The following HSD17B12 variants were observed in gnomAD, a reference collection of about 807,000 sequenced individuals.
The protein encoded by HSD17B12 is very-long-chain 3-oxoacyl-CoA reductase.
In HSD17B12, 32 loss-of-function variants were observed where a neutral mutation model predicts 39.3. That is an observed-to-expected ratio of 0.81 (90% CI 0.61 to 1.09). The LOEUF is 1.09. HSD17B12 is among the 50% of genes least tolerant of loss of function. The probability of loss-of-function intolerance (pLI) is 0.00; values close to 1 mark genes in which losing one functional copy is unlikely to be tolerated. For synonymous variants in HSD17B12, 150 were observed against 146.7 expected (o/e 1.02, Z -0.16); for missense variants, 342 against 382.9 (o/e 0.89, Z 0.89).
At chr11:43,562,708 C>G in the HSD17B12 span, among the ~76,000 whole-genome samples, 1 of 152,158 alleles carries the variant, frequency 6.6e-6, no homozygotes, top group Non-Finnish European at 1.5e-5. Flanking sequence ...GCAGAGACCT[C>G]TTAGACTCTT....
chr11:43,821,351 A>T (rs541412351), intron 6 of HSD17B12, among the ~76,000 whole-genome samples: 1 of 152,282 alleles, frequency 6.6e-6, no homozygotes, highest in South Asian at 2.1e-4. Flanking sequence ...CAGTTAAGTG[A>T]TATAGAAACT....
the HSD17B12 span, among the ~76,000 whole-genome samples, chr11:43,590,509 T>TTTTTTTTTTTTTTTTTTTTTTTTTTTTTC: frequency 8.9e-6 from 1 of 111,842 alleles, no homozygotes; most frequent in African/African-American, 3.2e-5. Context: ...GTGAGTGATT[T>TTTTTTTTTTTTTTTTTTTTTTTTTTTTTC]TTTTTTTTTT....
intron 8 of HSD17B12, 80 bp downstream of exon 8, chr11:43,838,478 T>G: frequency 9.4e-7 from 1 of 1,066,896 alleles, no homozygotes; most frequent in Non-Finnish European, 1.5e-6. Flanking sequence ...TAGATTTAAC[T>G]TTCCTGAAGT....
At chr11:43,711,382 T>G (rs34277126) in intron 1 of HSD17B12, among the ~76,000 whole-genome samples, 2,913 of 152,186 alleles carry the variant, frequency 0.019, 45 homozygotes, top group Non-Finnish European at 0.035. Flanking sequence ...TACAGAACAT[T>G]TAGGTTTTAG....
At chr11:43,758,790 T>C (rs1950533175) in intron 3 of HSD17B12, among the ~76,000 whole-genome samples, 1 of 152,174 alleles carries the variant, frequency 6.6e-6, no homozygotes, top group African/African-American at 2.4e-5. Context: ...TCAAGGCACT[T>C]CTCCAGTGGG....
chr11:43,851,904 G>T (rs1478644393), intron 9 of HSD17B12: 1 of 152,110 alleles, frequency 6.6e-6, no homozygotes, highest in Non-Finnish European at 1.5e-5. Context: ...GCAGTTCCCT[G>T]AAAAACATCA....
At chr11:43,626,433 A>G in the HSD17B12 span, among the ~76,000 whole-genome samples, 1 of 151,880 alleles carries the variant, frequency 6.6e-6, no homozygotes. Context: ...ATTCTAGAAC[A>G]TGTTACACAT....
intron 4 of HSD17B12, among the ~76,000 whole-genome samples, chr11:43,807,150 A>C (rs1187603688): frequency 1.3e-5 from 2 of 152,226 alleles, no homozygotes; most frequent in African/African-American, 4.8e-5. Flanking sequence ...TCATTAAACA[A>C]GTAAAATTCC....
intron 3 of HSD17B12, among the ~76,000 whole-genome samples, chr11:43,757,451 G>A (rs1156679914): frequency 1.3e-5 from 2 of 150,010 alleles, no homozygotes; most frequent in African/African-American, 4.9e-5. Context: ...GGCTAACAAG[G>A]TGAAACCCCG....
At position 43,829,948 on chromosome 11, in the gene HSD17B12, A is replaced by G. The variant is rs139646506; in HGVS notation, c.502-1028A>G. The G allele has an allele frequency of 1.5e-4, 23 of 152,318 alleles. No homozygotes were observed. The East Asian group carries it at 4.0e-3, about 27-fold the overall frequency. The allele number at this position is 152,318 out of a possible 1,614,324, so 9.4% of individuals were successfully genotyped here. A position where few individuals can be genotyped will look rare whatever the true frequency, so the allele number is the denominator to read the frequency against. ...CAATAAAATACCCACCACTGTTAAT[A>G]TGCCTGATGTACATCTGTACTACCA... On this transcript the variant is annotated intron_variant, in intron 6 of 10. Transcript: ENST00000278353.
the HSD17B12 span, among the ~76,000 whole-genome samples, chr11:43,662,552 C>T: frequency 6.6e-6 from 1 of 151,872 alleles, no homozygotes; most frequent in Non-Finnish European, 1.5e-5. Context: ...AAAAATCTTC[C>T]TCATTAGATT....
chr11:43,579,703 T>C, the HSD17B12 span, among the ~76,000 whole-genome samples: 5 of 152,018 alleles, frequency 3.3e-5, no homozygotes, highest in Admixed American at 3.3e-4. Flanking sequence ...GGTGTGTGCT[T>C]GCGTCTGTCA....
intron 2 of HSD17B12, 87 bp downstream of exon 2, chr11:43,751,044 G>T: frequency 1.2e-6 from 1 of 868,910 alleles, no homozygotes; most frequent in Non-Finnish European, 1.8e-6. Flanking sequence ...GATTTTTGAA[G>T]TAAAAAACAC....
At chr11:43,701,394 C>T (rs906469889) in intron 1 of HSD17B12, among the ~76,000 whole-genome samples, 4 of 152,140 alleles carry the variant, frequency 2.6e-5, no homozygotes, top group African/African-American at 9.6e-5. Flanking sequence ...GGGTATTGCT[C>T]AAGAACTTTT....
In HSD17B12 at chr11:43,813,177, A is replaced by G. The variant is rs576542412; in HGVS notation, c.392-2260A>G. On this transcript the variant is annotated intron_variant, in intron 4 of 10. Coordinates refer to ENST00000278353, the MANE Select transcript of HSD17B12 (RefSeq NM_016142.3). ...TTAATACAGTCATAACCAGAATAACACTTCTCTGCTTGCTTAGTTATTCAG... is the reference window on the plus strand; with the variant it reads ...TTAATACAGTCATAACCAGAATAACGCTTCTCTGCTTGCTTAGTTATTCAG... Among the ~76,000 whole-genome samples, 140 of 152,104 alleles carry G rather than the reference A, an allele frequency of 9.2e-4. 2 individuals are homozygous for G. Among genetic ancestry groups the G allele is most frequent in the African/African-American group, 3.3e-3 (138 of 41,502 alleles).
At chr11:43,730,582 C>A (rs1328176920) in intron 1 of HSD17B12, among the ~76,000 whole-genome samples, 1 of 152,094 alleles carries the variant, frequency 6.6e-6, no homozygotes, top group African/African-American at 2.4e-5. Flanking sequence ...GTTGTTGATA[C>A]TACCATTATT....
the HSD17B12 span, among the ~76,000 whole-genome samples, chr11:43,655,776 G>A: frequency 6.6e-6 from 1 of 152,156 alleles, no homozygotes; most frequent in African/African-American, 2.4e-5. Context: ...TGATGGATAA[G>A]CTTTTTGATG....
chr11:43,596,035 C>G, the HSD17B12 span, among the ~76,000 whole-genome samples: 1 of 152,144 alleles, frequency 6.6e-6, no homozygotes, highest in South Asian at 2.1e-4. Context: ...GCCCAAACTC[C>G]CCATTCTTTG....
At chr11:43,828,385 G>GC (rs11379541) in intron 6 of HSD17B12, among the ~76,000 whole-genome samples, 147,336 of 147,430 alleles carry the variant, frequency 1, 73,621 homozygotes, top group Middle Eastern at 1. Context: ...CTCGTGATCC[G>GC]CCGCCTCGGC....
Sources: allele counts gnomAD v4.1 joint callset (sites outside exome capture counted in the v4.1 genomes callset), GRCh38; gene constraint gnomAD v4.1.1; transcripts MANE v1.5; gene names NCBI Gene and HGNC (gene_info 2026-07-23, HGNC 2026-07-21).